Variants in DLC1 observed in about 807,000 individuals in gnomAD.
DLC1 encodes the protein rho GTPase-activating protein 7.
In DLC1, 54 loss-of-function variants were observed where a neutral mutation model predicts 140.3. The ratio of observed to expected loss-of-function variants is 0.38; its 90% CI spans 0.31 to 0.48. The LOEUF (loss-of-function observed/expected upper bound fraction) is 0.48. Ranked by LOEUF, DLC1 falls within the 20% of genes least tolerant of loss-of-function variation. The pLI is 0.96. For synonymous variants in DLC1, 986 were observed against 728.1 expected, an observed-to-expected ratio of 1.35 and a Z score of -5.70; for missense variants, 2,536 against 1,907.0, an observed-to-expected ratio of 1.33 and a Z score of -6.14.
chr8:13,416,315 T>G (rs533173642), intron 2 of DLC1, among the ~76,000 whole-genome samples: 112 of 152,240 alleles, frequency 7.4e-4, no homozygotes, highest in African/African-American at 2.6e-3. Flanking sequence ...GAAAACAATC[T>G]CCATAACCTA....
chr8:13,386,479 A>T (rs73551556), intron 4 of DLC1, among the ~76,000 whole-genome samples: 6,247 of 152,188 alleles, frequency 0.041, 439 homozygotes, highest in African/African-American at 0.14. Context: ...AAGTGGAAAG[A>T]TGTATATGAG....
chr8:13,091,563 T>A, intron 13 of DLC1, 131 bp from the exon 14 acceptor site: 1 of 704,606 alleles, frequency 1.4e-6, no homozygotes. Context: ...TTAAGTGGAT[T>A]AAGAGTGTTT....
intron 1 of DLC1, among the ~76,000 whole-genome samples, chr8:13,534,383 G>A (rs139702781): frequency 5.3e-4 from 80 of 151,990 alleles, no homozygotes; most frequent in African/African-American, 1.8e-3. Flanking sequence ...CACACCCCTC[G>A]CTAACTGTAA....
chr8:13,306,155 C>G (rs900172580), intron 4 of DLC1, among the ~76,000 whole-genome samples: 4 of 152,170 alleles, frequency 2.6e-5, no homozygotes, highest in African/African-American at 7.2e-5. Flanking sequence ...GCCACTCTTA[C>G]TATTTATTAA....
chr8:13,506,581 G>GTGTGTGTATATATATATA lies in DLC1; in HGVS notation c.-125-6386_-125-6385insTATATATATATACACACA, dbSNP rs1246764417. 8.7e-4 allele frequency among the ~76,000 whole-genome samples: 114 copies of GTGTGTGTATATATATATA among 131,094 alleles called. 1 individual carries two copies. The highest frequency in any genetic ancestry group is 3.4e-3 in the African/African-American group (105 of 31,140). The allele number at this position is 131,094 out of a possible 152,430, so 86.0% of individuals were successfully genotyped here. ...CACACACACACATGTGTGTGTGTGT[G>GTGTGTGTATATATATATA]TATATATATATATATATATATATAT... On this transcript the variant is annotated intron_variant, in intron 1 of 17. Coordinates refer to ENST00000276297, the MANE Select transcript of DLC1 (RefSeq NM_182643.3).
At position 13,602,670 on chromosome 8, in the gene DLC1, C is replaced by T. The variant is rs1379748304; in HGVS notation, c.-126+1867G>A. On this transcript the variant is annotated intron_variant, in intron 1 of 1. Transcript: ENST00000631382. ...GCTCTGTACATTTTTTGTATATGCT[C>T]AGAATTTTTATGTATCTTAAAAAGT... Among the ~76,000 whole-genome samples, 3 of 151,926 alleles carry T rather than the reference C, an allele frequency of 2.0e-5. No homozygotes were observed. The East Asian group carries it at 5.8e-4, about 29-fold the overall frequency.
intron 2 of DLC1, among the ~76,000 whole-genome samples, chr8:13,408,637 AG>A (rs1468119314): frequency 1.3e-5 from 2 of 152,280 alleles, no homozygotes; most frequent in African/African-American, 4.8e-5. Flanking sequence ...TCATTTCGTA[AG>A]TATGCTGGAA....
intron 5 of DLC1, among the ~76,000 whole-genome samples, chr8:13,198,267 A>C (rs17790686): frequency 6.6e-6 from 1 of 152,150 alleles, no homozygotes; most frequent in African/African-American, 2.4e-5. Context: ...AAGAGAGGAC[A>C]GTCATTTCCC....
At chr8:13,537,401 G>C (rs760618573) in intron 1 of DLC1, among the ~76,000 whole-genome samples, 1 of 152,092 alleles carries the variant, frequency 6.6e-6, no homozygotes, top group Admixed American at 6.5e-5. Context: ...GATTTCTGTA[G>C]CATGGTGAAA....
chr8:13,462,027 G>T (rs72603970), intron 2 of DLC1, among the ~76,000 whole-genome samples: 2 of 151,980 alleles, frequency 1.3e-5, no homozygotes, highest in Admixed American at 6.6e-5. Flanking sequence ...GTTCCTCTCT[G>T]TTCCATCTTT....
chr8:13,416,586 A>G (rs992306086), intron 2 of DLC1, among the ~76,000 whole-genome samples: 1 of 152,218 alleles, frequency 6.6e-6, no homozygotes, highest in African/African-American at 2.4e-5. Context: ...GTTTCATTTC[A>G]GAATCAAATA....
intron 5 of DLC1, among the ~76,000 whole-genome samples, chr8:13,125,640 C>T (rs1415592623): frequency 2.0e-5 from 3 of 152,100 alleles, no homozygotes; most frequent in South Asian, 2.1e-4. Flanking sequence ...CCCTTCTTGC[C>T]TATTTCAACA....
intron 2 of DLC1, among the ~76,000 whole-genome samples, chr8:13,433,871 T>C (rs1433232701): frequency 6.6e-6 from 1 of 152,246 alleles, no homozygotes; most frequent in Non-Finnish European, 1.5e-5. Context: ...TTTGTTTTTC[T>C]TGAGATGGAG....
intron 2 of DLC1, among the ~76,000 whole-genome samples, chr8:13,428,467 A>T (rs1448029175): frequency 6.6e-6 from 1 of 152,164 alleles, no homozygotes; most frequent in African/African-American, 2.4e-5. Context: ...CTGTTAGCAA[A>T]CTGAAAGCTT....
chr8:13,305,551 C>G (rs1320094455), intron 4 of DLC1, among the ~76,000 whole-genome samples: 1 of 152,098 alleles, frequency 6.6e-6, no homozygotes, highest in African/African-American at 2.4e-5. Context: ...TTAACACTGG[C>G]AATAGGCTGG....
chr8:13,219,162 A>T (rs1477554770), intron 5 of DLC1, among the ~76,000 whole-genome samples: 2 of 54,818 alleles, frequency 3.6e-5, no homozygotes, highest in South Asian at 1.2e-3. Context: ...AATTATATGA[A>T]TATAACTATA....
chr8:13,455,768 T>C (rs1411716271), intron 2 of DLC1, among the ~76,000 whole-genome samples: 1 of 152,154 alleles, frequency 6.6e-6, no homozygotes, highest in East Asian at 1.9e-4. Context: ...CCCAGCACTT[T>C]GAGAGGCCAA....
chr8:13,220,514 T>A (rs1729148), intron 5 of DLC1, among the ~76,000 whole-genome samples: 84,377 of 151,936 alleles, frequency 0.56, 24,101 homozygotes, highest in East Asian at 0.85. Context: ...ACTATTAAAT[T>A]TAACTATCAA....
At position 13,150,243 on chromosome 8, in the gene DLC1, T is replaced by C. The variant is rs78641324; in HGVS notation, c.1349-34586A>G. Among the ~76,000 whole-genome samples, 226 of 152,342 alleles carry C rather than the reference T, an allele frequency of 1.5e-3. 7 individuals are homozygous for C. In the East Asian group the frequency reaches 0.034, roughly 23 times the overall value. On this transcript the variant is annotated intron_variant, in intron 5 of 17. Coordinates refer to ENST00000276297, the MANE Select transcript of DLC1 (RefSeq NM_182643.3). ...ATCTATTTGTAATGCCCTTTTTTTA[T>C]AAGAAAAAAGTTTAATGAGTGTTTT...
Sources: allele counts gnomAD v4.1 joint callset (sites outside exome capture counted in the v4.1 genomes callset), GRCh38; gene constraint gnomAD v4.1.1; transcripts MANE v1.5; gene names NCBI Gene and HGNC (gene_info 2026-07-23, HGNC 2026-07-21).